Variants in CMTR1 observed in about 807,000 individuals in gnomAD.
CMTR1 encodes the protein cap methyltransferase 1, also known as cap-specific mRNA (nucleoside-2'-O-)-methyltransferase 1.
A neutral mutation model predicts 107.0 loss-of-function variants in CMTR1; 39 were observed. The ratio of observed to expected loss-of-function variants is 0.36; its 90% confidence interval spans 0.28 to 0.48. The LOEUF (loss-of-function observed/expected upper bound fraction) is 0.48, where lower values mean the gene tolerates loss of function less well. Among genes scored for constraint, CMTR1 ranks in the 20% least tolerant of loss-of-function variants. CMTR1 has a pLI of 0.99. For synonymous variants in CMTR1, 366 were observed against 379.5 expected, an observed-to-expected ratio of 0.96 and a Z score of 0.41; for missense variants, 672 against 1,064.9, an observed-to-expected ratio of 0.63 and a Z score of 5.14.
chr6:37,443,813 C>T (rs1771724816), intron 2 of CMTR1, among the ~76,000 whole-genome samples, 186 bp from the exon 3 acceptor site: 1 of 152,148 alleles, frequency 6.6e-6, no homozygotes, highest in Non-Finnish European at 1.5e-5. Flanking sequence ...TAGGAACTTT[C>T]AGTAGTGACT....
chr6:37,444,519 C>T (rs951649744), intron 3 of CMTR1, among the ~76,000 whole-genome samples: 2 of 152,042 alleles, frequency 1.3e-5, no homozygotes, highest in Non-Finnish European at 2.9e-5. Context: ...TCAAAAGAAA[C>T]GACTAAAATC....
upstream of CMTR1, among the ~76,000 whole-genome samples, chr6:37,430,398 A>ATG (rs1289054625): frequency 1.0e-3 from 125 of 120,502 alleles, no homozygotes; most frequent in Non-Finnish European, 1.4e-3. Flanking sequence ...TTATATATAT[A>ATG]TGTGTGTGTG....
rs375594410 is a variant in CMTR1, at chr6:37,473,167, A to G, written c.1690-303A>G. 1.6e-4 allele frequency among the ~76,000 whole-genome samples: 24 copies of G among 152,262 alleles called. No individual in the cohort carries two copies. In the East Asian group the frequency reaches 2.9e-3, roughly 18 times the overall value. ...GAATCCTTGCTTTGAGTTTTATTGA[A>G]GGGGCAGCTTTTATATTCTGGTGAC... On this transcript the variant is annotated intron_variant, in intron 16 of 23. Transcript: ENST00000373451.
Position 37,480,706 on chromosome 6 carries a change from C to T in CMTR1, c.*561C>T, listed in dbSNP as rs1761835564. On this transcript the variant is annotated 3_prime_UTR_variant, in exon 24 of 24. Coordinates refer to ENST00000373451, the MANE Select transcript of CMTR1 (RefSeq NM_015050.3). ...TTGGAGACCATTTTCTTGTCTCCTT[C>T]CCCCACTCATCCTGGCCTTCCCTGG... The T allele has an allele frequency of 9.7e-7, 1 of 1,026,190 alleles. No individual in the cohort carries two copies. Among genetic ancestry groups the T allele is most frequent in the Non-Finnish European group, 1.2e-6 (1 of 856,456 alleles). 63.6% of individuals were successfully genotyped at this position (1,026,190 alleles called of 1,614,324 possible). A position where few individuals can be genotyped will look rare whatever the true frequency, so the allele number is the denominator to read the frequency against.
intron 3 of CMTR1, among the ~76,000 whole-genome samples, chr6:37,446,080 C>G (rs370613452): frequency 1.4e-4 from 21 of 152,134 alleles, no homozygotes; most frequent in African/African-American, 4.8e-4. Flanking sequence ...TCTGGTTGCC[C>G]TAGACTTTAA....
Position 37,473,601 on chromosome 6 carries a change from G to T in CMTR1, c.1821G>T (p.Gly607=). 1 of 1,613,230 alleles carries T rather than the reference G, an allele frequency of 6.2e-7. No homozygotes were observed. Among genetic ancestry groups the T allele is most frequent in the South Asian group, 1.1e-5 (1 of 90,930 alleles). ...AGCAGAAGTTCCTCATCGGCCTGGG[G>T]GTAAGTCTGCAGCTGGCTTCCTGCC... ...GSEQKFLIGL[G]KSQIYTWDGR... Residue 607 remains glycine (G), a splice_region_variant and synonymous_variant, in exon 17 of 24, where the codon GGG becomes GGT. Coordinates refer to ENST00000373451, the MANE Select transcript of CMTR1 (RefSeq NM_015050.3).
At chr6:37,433,535 C>T (rs1351785400) in intron 1 of CMTR1, among the ~76,000 whole-genome samples, 158 bp downstream of exon 1, 3 of 152,236 alleles carry the variant, frequency 2.0e-5, no homozygotes, top group African/African-American at 7.2e-5. Flanking sequence ...CCCCCAACGC[C>T]GGCTCCCTGG....
At chr6:37,452,141 G>A (rs1761187675) in intron 6 of CMTR1, among the ~76,000 whole-genome samples, 1 of 152,176 alleles carries the variant, frequency 6.6e-6, no homozygotes, top group Non-Finnish European at 1.5e-5. Context: ...AATCCTGAGA[G>A]GGCCTGGTGT....
intron 22 of CMTR1, 61 bp from the exon 23 acceptor site, chr6:37,479,086 G>A (rs1437202312): frequency 3.4e-6 from 4 of 1,180,638 alleles, no homozygotes; most frequent in Non-Finnish European, 3.8e-6. Flanking sequence ...GAAGGTACAC[G>A]CCTGTCCTCC....
chr6:37,474,962 G>A (rs951067767), intron 18 of CMTR1, among the ~76,000 whole-genome samples: 1 of 152,188 alleles, frequency 6.6e-6, no homozygotes. Flanking sequence ...GGAAACAAGA[G>A]ACTTGTTTCT....
chr6:37,475,132 C>T (rs889242726), intron 18 of CMTR1, among the ~76,000 whole-genome samples, 189 bp from the exon 19 acceptor site: 1 of 152,150 alleles, frequency 6.6e-6, no homozygotes, highest in Non-Finnish European at 1.5e-5. Flanking sequence ...TGGATCTTAC[C>T]CTGCTCAGAA....
chr6:37,468,057 G>GC (rs1002148972), intron 13 of CMTR1, among the ~76,000 whole-genome samples: 18 of 148,312 alleles, frequency 1.2e-4, no homozygotes, highest in Non-Finnish European at 2.4e-4. Context: ...TGTTTTGTGG[G>GC]GGGGGGGACT....
At chr6:37,423,986 C>G in the CMTR1 span, among the ~76,000 whole-genome samples, 1 of 152,134 alleles carries the variant, frequency 6.6e-6, no homozygotes. Context: ...CTGCTCCTTA[C>G]TGTACACGTT....
At chr6:37,437,947 A>G (rs76316809) in intron 2 of CMTR1, among the ~76,000 whole-genome samples, 145 of 152,290 alleles carry the variant, frequency 9.5e-4, no homozygotes, top group Middle Eastern at 6.8e-3. Context: ...GTAAGTGTAT[A>G]AGGGTAAGGA....
At chr6:37,462,183 A>T in intron 12 of CMTR1, 81 bp downstream of exon 12, 8 of 1,514,004 alleles carry the variant, frequency 5.3e-6, no homozygotes, top group Non-Finnish European at 7.3e-6. Flanking sequence ...CTCTGGCATG[A>T]CCTCTTAAGC....
chr6:37,449,766 G>A lies in CMTR1; in HGVS notation c.445-485G>A, dbSNP rs138889044. ...CTAGGAATCCTGTTTACCAGTTTCT[G>A]GATTGTTTTTTGAGTAACACTTTGA... On this transcript the variant is annotated intron_variant, in intron 4 of 23. Coordinates refer to ENST00000373451, the MANE Select transcript of CMTR1 (RefSeq NM_015050.3). Among the ~76,000 whole-genome samples, 18 of 152,304 alleles carry A rather than the reference G, an allele frequency of 1.2e-4. No individual in the cohort carries two copies. The East Asian group carries it at 3.5e-3, about 29-fold the overall frequency.
At chr6:37,424,010 A>G in the CMTR1 span, among the ~76,000 whole-genome samples, 11 of 152,284 alleles carry the variant, frequency 7.2e-5, no homozygotes, top group Non-Finnish European at 1.3e-4. Context: ...GGCAAAGAGA[A>G]GAGAAGACGA....
chr6:37,473,415 C>A, intron 16 of CMTR1, 55 bp from the exon 17 acceptor site: 1 of 1,580,260 alleles, frequency 6.3e-7, no homozygotes. Context: ...CAGATAGGCA[C>A]CCATACTGTC....
At chr6:37,468,312 T>G (rs1222494904) in intron 13 of CMTR1, among the ~76,000 whole-genome samples, 1 of 152,278 alleles carries the variant, frequency 6.6e-6, no homozygotes, top group African/African-American at 2.4e-5. Flanking sequence ...TGTCTTTGTG[T>G]TTTTGTTTTT....
Sources: gnomAD v4.1 joint callset for allele counts (sites outside exome capture counted in the v4.1 genomes callset) on GRCh38, gnomAD v4.1.1 for gene constraint, MANE v1.5 for transcripts, NCBI Gene and HGNC (gene_info 2026-07-23, HGNC 2026-07-21) for gene names.